The following LAMB4 variants were observed in gnomAD, a reference collection of about 807,000 sequenced individuals.
LAMB4 encodes the protein laminin subunit beta 4, also known as laminin subunit beta-4.
LAMB4 carries 196 observed loss-of-function variants against 199.2 expected under a neutral mutation model. That is an observed-to-expected ratio of 0.98 (90% CI 0.88 to 1.11). The LOEUF is 1.11. Ranked by LOEUF, LAMB4 falls within the 50% of genes least tolerant of loss-of-function variation. The pLI is 0.00. For missense variants in LAMB4, 2,080 were observed against 2,171.2 expected, an observed-to-expected ratio of 0.96 and a Z score of 0.83; for synonymous variants, 744 against 770.6, an observed-to-expected ratio of 0.97 and a Z score of 0.57.
chr7:108,048,104 C>G lies in LAMB4; in HGVS notation c.4130G>C (p.Gly1377Ala). Residue 1377 changes from glycine (G) to alanine (A), a missense_variant, in exon 28 of 34, where the codon GGA becomes GCA. Coordinates refer to ENST00000388781, the MANE Select transcript of LAMB4 (RefSeq NM_007356.3). ...CACACATGGCACATTTCCTGGATCTCCGCACACCTTGCAAGAGAAATGATT... is the reference window on the plus strand; with the variant it reads ...CACACATGGCACATTTCCTGGATCTGCGCACACCTTGCAAGAGAAATGATT... ...DIQILNEKVC[G>A]DPGNVPCVPL... 1 of 1,612,352 alleles carries G rather than the reference C, an allele frequency of 6.2e-7. No individual in the cohort carries two copies. The highest frequency in any genetic ancestry group is 8.5e-7 in the Non-Finnish European group (1 of 1,178,972).
At chr7:108,092,057 G>A (rs1455174134) in intron 13 of LAMB4, among the ~76,000 whole-genome samples, 2 of 152,108 alleles carry the variant, frequency 1.3e-5, no homozygotes, top group African/African-American at 2.4e-5. Context: ...GGGGCTTTAG[G>A]ATCTCTCTTT....
chr7:108,059,508 T>A (rs1442086092), intron 23 of LAMB4, among the ~76,000 whole-genome samples: 1 of 152,196 alleles, frequency 6.6e-6, no homozygotes, highest in Admixed American at 6.5e-5. Context: ...GTCCATTATC[T>A]TGGTTGTCTC....
At chr7:108,052,635 A>C (rs2035861615) in intron 25 of LAMB4, among the ~76,000 whole-genome samples, 1 of 152,236 alleles carries the variant, frequency 6.6e-6, no homozygotes, top group Admixed American at 6.5e-5. Context: ...ATATGGTAAA[A>C]TAGAACCGTT....
chr7:108,062,156 G>A (rs1183949375), intron 23 of LAMB4, among the ~76,000 whole-genome samples: 1 of 152,162 alleles, frequency 6.6e-6, no homozygotes, highest in Admixed American at 6.5e-5. Flanking sequence ...CACAAGTAAT[G>A]TTATCCTCAT....
intron 28 of LAMB4, among the ~76,000 whole-genome samples, chr7:108,046,398 G>A (rs1272256762): frequency 6.6e-6 from 1 of 151,688 alleles, no homozygotes; most frequent in African/African-American, 2.4e-5. Flanking sequence ...GCCAGGAGTG[G>A]GCTTTTTTTG....
chr7:108,021,205 A>G (rs1285647806), downstream of LAMB4, among the ~76,000 whole-genome samples: 1 of 152,114 alleles, frequency 6.6e-6, no homozygotes, highest in East Asian at 1.9e-4. Flanking sequence ...TAACTTTACA[A>G]TTTTGATTAT....
chr7:108,101,006 T>A (rs1255284424), intron 10 of LAMB4, among the ~76,000 whole-genome samples: 1 of 152,236 alleles, frequency 6.6e-6, no homozygotes, highest in Non-Finnish European at 1.5e-5. Flanking sequence ...GTTTGAAATC[T>A]AGGACATTGA....
At chr7:108,033,029 G>GT (rs1322845024) in intron 31 of LAMB4, among the ~76,000 whole-genome samples, 4 of 151,932 alleles carry the variant, frequency 2.6e-5, no homozygotes, top group African/African-American at 4.8e-5. Flanking sequence ...ATTTTTATGT[G>GT]TTTTTTTCAA....
intron 1 of LAMB4, among the ~76,000 whole-genome samples, chr7:108,127,547 G>T (rs2150710082): frequency 6.6e-6 from 1 of 152,208 alleles, no homozygotes; most frequent in South Asian, 2.1e-4. Flanking sequence ...AAATCCCCAG[G>T]TTCGGCAATC....
chr7:108,063,583 G>C (rs1187782969), intron 22 of LAMB4, among the ~76,000 whole-genome samples, 178 bp downstream of exon 22: 2 of 152,202 alleles, frequency 1.3e-5, no homozygotes, highest in Non-Finnish European at 2.9e-5. Context: ...GAGAATACCA[G>C]TGGTTGCAAT....
chr7:108,078,102 G>C, intron 16 of LAMB4, 99 bp downstream of exon 16: 1 of 758,954 alleles, frequency 1.3e-6, no homozygotes, highest in Non-Finnish European at 2.3e-6. Context: ...GTTTTCTTCA[G>C]ACCTCCTCTT....
intron 24 of LAMB4, 132 bp from the exon 25 acceptor site, chr7:108,056,139 A>G: frequency 1.3e-6 from 1 of 792,356 alleles, no homozygotes; most frequent in African/African-American, 1.7e-5. Context: ...TTTAAAGCCA[A>G]TATAATTTCA....
intron 1 of LAMB4, among the ~76,000 whole-genome samples, chr7:108,125,540 C>T (rs569505130): frequency 1.3e-5 from 2 of 152,280 alleles, no homozygotes; most frequent in South Asian, 4.1e-4. Flanking sequence ...ATGATCTAGG[C>T]TCTGAGTTGC....
At position 108,104,567 on chromosome 7, in the gene LAMB4, C is replaced by T. The variant is rs757346416; in HGVS notation, c.923G>A (p.Arg308Lys). 2.5e-6 allele frequency: 4 copies of T among 1,614,210 alleles called. No homozygotes were observed. The highest frequency in any genetic ancestry group is 3.4e-6 in the Non-Finnish European group (4 of 1,180,030). Residue 308 changes from arginine to lysine, a missense_variant, in exon 9 of 34, where the codon AGA becomes AAA. Physicochemically the swap from Arg to Lys is conservative, Grantham distance 26. Coordinates refer to ENST00000388781, the MANE Select transcript of LAMB4 (RefSeq NM_007356.3). Reference protein sequence around the residue: ...QHNTDGPNCERCKDFFQDAPW... With the variant: ...QHNTDGPNCEKCKDFFQDAPW... ...AGCATCCTGGAAGAAGTCCTTGCAT[C>T]TCTCACAGTTCGGACCATCTGTATT...
At position 108,079,675 on chromosome 7, in the gene LAMB4, C is replaced by T. The variant is rs1304474975; in HGVS notation, c.1813G>A (p.Ala605Thr). 1 of 1,612,986 alleles carries T rather than the reference C, an allele frequency of 6.2e-7. No individual in the cohort carries two copies. Among genetic ancestry groups the T allele is most frequent in the Non-Finnish European group, 8.5e-7 (1 of 1,179,646 alleles). Reference protein sequence around the residue: ...GPGFARVLPGAGLRFAVNNIP... With the variant: ...GPGFARVLPGTGLRFAVNNIP... The stretch of plus-strand genomic sequence containing the variant: ...TTGTTGACAGCAAATCTCAAGCCAG[C>T]CCCAGGGAGAACCCTGGCAAATCCA... Residue 605 changes from alanine (A) to threonine (T), a missense_variant, in exon 15 of 34, where the codon GCT becomes ACT. Coordinates refer to ENST00000388781, the MANE Select transcript of LAMB4 (RefSeq NM_007356.3).
At chr7:108,083,390 T>C (rs2037033163) in intron 14 of LAMB4, among the ~76,000 whole-genome samples, 1 of 152,206 alleles carries the variant, frequency 6.6e-6, no homozygotes. Flanking sequence ...ATTACATGGC[T>C]TCCTACAGTG....
intron 2 of LAMB4, among the ~76,000 whole-genome samples, chr7:108,116,926 A>G (rs947751423): frequency 1.3e-5 from 2 of 152,162 alleles, no homozygotes; most frequent in Non-Finnish European, 2.9e-5. Context: ...AGTCCCAGCT[A>G]CTCAGGAAGC....
At chr7:108,016,261 TC>T in the LAMB4 span, among the ~76,000 whole-genome samples, 3 of 149,976 alleles carry the variant, frequency 2.0e-5, no homozygotes, top group Non-Finnish European at 4.4e-5. Flanking sequence ...TTTTCAAATC[TC>T]TTGCATTTTG....
chr7:108,093,218 C>T (rs2037476765), intron 12 of LAMB4, among the ~76,000 whole-genome samples: 1 of 152,158 alleles, frequency 6.6e-6, no homozygotes, highest in African/African-American at 2.4e-5. Flanking sequence ...AGGCGCCTGC[C>T]ACCACGCTCG....
Sources: allele counts gnomAD v4.1 joint callset (sites outside exome capture counted in the v4.1 genomes callset), GRCh38; gene constraint gnomAD v4.1.1; transcripts MANE v1.5; gene names NCBI Gene and HGNC (gene_info 2026-07-23, HGNC 2026-07-21).